The following CTNNA1 variants were observed in gnomAD, a reference collection of about 807,000 sequenced individuals.
The protein encoded by CTNNA1 is catenin alpha 1, also known as catenin alpha-1.
A neutral mutation model predicts 98.4 loss-of-function variants in CTNNA1; 37 were observed. The ratio of observed to expected loss-of-function variants is 0.38; its 90% CI spans 0.29 to 0.49. The LOEUF (loss-of-function observed/expected upper bound fraction) is 0.49, where lower values mean the gene tolerates loss of function less well. Among genes scored for constraint, CTNNA1 ranks in the 20% least tolerant of loss-of-function variants. The pLI, the probability that CTNNA1 is intolerant of heterozygous loss-of-function variation, is 0.95. For missense variants in CTNNA1, 761 were observed against 1,147.2 expected, an observed-to-expected ratio of 0.66 and a Z score of 4.86; for synonymous variants, 404 against 413.2, an observed-to-expected ratio of 0.98 and a Z score of 0.27.
intron 9 of CTNNA1, among the ~76,000 whole-genome samples, chr5:138,898,909 C>T (rs1477014035): frequency 6.6e-6 from 1 of 152,180 alleles, no homozygotes; most frequent in Non-Finnish European, 1.5e-5. Context: ...AGAATTTCCT[C>T]ATTTTGACTT....
At chr5:138,923,938 T>A (rs139373138) in intron 11 of CTNNA1, among the ~76,000 whole-genome samples, 1 of 152,346 alleles carries the variant, frequency 6.6e-6, no homozygotes, top group African/African-American at 2.4e-5. Flanking sequence ...TAAGCCCATC[T>A]GTGTACCATG....
At chr5:138,843,281 C>A (rs1455535036) in intron 7 of CTNNA1, among the ~76,000 whole-genome samples, 1 of 151,976 alleles carries the variant, frequency 6.6e-6, no homozygotes, top group Non-Finnish European at 1.5e-5. Flanking sequence ...ATTTAGTATT[C>A]TCAATCCTTT....
chr5:138,932,895 A>T (rs755486464), intron 17 of CTNNA1, 183 bp downstream of exon 17: 1 of 839,946 alleles, frequency 1.2e-6, no homozygotes, highest in Admixed American at 1.7e-5. Context: ...TAGAACTGTG[A>T]CACCTGCGGG....
At position 138,858,599 on chromosome 5, in the gene CTNNA1, T is replaced by TCTTTC. The variant is rs57689177; in HGVS notation, c.1063-27613_1063-27612insCTTTC. 5.2e-4 allele frequency among the ~76,000 whole-genome samples: 71 copies of TCTTTC among 136,398 alleles called. No individual in the cohort carries two copies. The East Asian group carries it at 0.011, about 21-fold the overall frequency. 89.5% of individuals were successfully genotyped at this position (136,398 alleles called of 152,430 possible). A position where few individuals can be genotyped will look rare whatever the true frequency, so the allele number is the denominator to read the frequency against. On this transcript the variant is annotated intron_variant, in intron 7 of 17. Transcript: ENST00000302763. ...TTTTTTTTCTTTTTCTTTTTCTTTT[T>TCTTTC]TTTTTTTTTTTTTTGAGACAGAGTC... is the stretch of plus-strand genomic sequence containing the variant.
intron 7 of CTNNA1, among the ~76,000 whole-genome samples, chr5:138,862,234 C>T (rs1764348221): frequency 6.6e-6 from 1 of 152,204 alleles, no homozygotes; most frequent in Non-Finnish European, 1.5e-5. Flanking sequence ...TTTTTAAATT[C>T]TCATACCTCT....
At chr5:138,767,122 C>T (rs984394006) in intron 1 of CTNNA1, among the ~76,000 whole-genome samples, 1 of 152,078 alleles carries the variant, frequency 6.6e-6, no homozygotes, top group African/African-American at 2.4e-5. Flanking sequence ...CTGCAAGCTC[C>T]TCCTCCCGGG....
Position 138,874,609 on chromosome 5 carries a change from C to T in CTNNA1, c.1063-11603C>T. The T allele has an allele frequency of 8.9e-7, 1 of 1,126,834 alleles. No homozygotes were observed. 69.8% of individuals were successfully genotyped at this position (1,126,834 alleles called of 1,614,324 possible). ...GAAGATAGGATATTTTTCAGCAGAA[C>T]ATATGGGCTATTTAAAAAAAACAAC... On this transcript the variant is annotated intron_variant, in intron 7 of 17. Transcript: ENST00000302763. The surrounding 1 kb of genome is among the most constrained non-coding windows in gnomAD (Gnocchi z 4.1).
intron 10 of CTNNA1, among the ~76,000 whole-genome samples, chr5:138,913,409 C>T (rs1003013047): frequency 1.3e-5 from 2 of 151,994 alleles, no homozygotes; most frequent in African/African-American, 4.8e-5. Flanking sequence ...TATGGTGAAA[C>T]CTCATCTCTA....
chr5:138,809,040 A>G (rs1380549711), intron 3 of CTNNA1, among the ~76,000 whole-genome samples: 2 of 152,196 alleles, frequency 1.3e-5, no homozygotes, highest in Admixed American at 6.5e-5. Context: ...GCTAGAGTGC[A>G]GTGGTGCAAT....
At chr5:138,826,772 T>G (rs1002509273) in intron 6 of CTNNA1, among the ~76,000 whole-genome samples, 8 of 152,182 alleles carry the variant, frequency 5.3e-5, no homozygotes. Context: ...ACTTTAAGGT[T>G]AGAGATCAGT....
chr5:138,850,703 G>A (rs1358883494), intron 7 of CTNNA1, among the ~76,000 whole-genome samples: 1 of 152,032 alleles, frequency 6.6e-6, no homozygotes, highest in Non-Finnish European at 1.5e-5. Context: ...TGTATCCAAC[G>A]ACTCCTGTGG....
At chr5:138,785,788 T>G (rs1043206336) in intron 3 of CTNNA1, among the ~76,000 whole-genome samples, 1 of 152,102 alleles carries the variant, frequency 6.6e-6, no homozygotes, top group Non-Finnish European at 1.5e-5. Flanking sequence ...TATAGTATAG[T>G]ATTGCCTTGT....
Position 138,819,045 on chromosome 5 carries a change from G to C in CTNNA1, c.589-5485G>C, listed in dbSNP as rs113751566. ...GTTGAGGTTATGATTCTTTCCTTAGGGGGCAGGGCACAGCATTGGCGTGAT... is the reference window on the plus strand; with the variant it reads ...GTTGAGGTTATGATTCTTTCCTTAGCGGGCAGGGCACAGCATTGGCGTGAT... On this transcript the variant is annotated intron_variant, in intron 5 of 17. Transcript: ENST00000302763. Among the ~76,000 whole-genome samples, 120 of 143,006 alleles carry C rather than the reference G, an allele frequency of 8.4e-4. 1 individual carries two copies. Among genetic ancestry groups the C allele is most frequent in the African/African-American group, 2.9e-3 (114 of 38,736 alleles). 93.8% of individuals were successfully genotyped at this position (143,006 alleles called of 152,430 possible).
At chr5:138,863,488 C>T (rs2149890300) in intron 7 of CTNNA1, among the ~76,000 whole-genome samples, 1 of 152,302 alleles carries the variant, frequency 6.6e-6, no homozygotes, top group East Asian at 1.9e-4. Context: ...TCAAGCAGTC[C>T]TCCTGCCCCA....
chr5:138,824,380 C>T, intron 5 of CTNNA1, 150 bp from the exon 6 acceptor site: 2 of 887,820 alleles, frequency 2.3e-6, no homozygotes, highest in Admixed American at 2.8e-5. Context: ...ATACTGCCTT[C>T]TTTGTGATTG....
intron 11 of CTNNA1, among the ~76,000 whole-genome samples, chr5:138,920,413 G>T (rs1161267728): frequency 1.3e-5 from 2 of 152,178 alleles, no homozygotes; most frequent in African/African-American, 2.4e-5. Context: ...CCCTGACGTG[G>T]CCCTGCCACA....
At chr5:138,788,060 G>A (rs899909643) in intron 3 of CTNNA1, among the ~76,000 whole-genome samples, 1 of 152,132 alleles carries the variant, frequency 6.6e-6, no homozygotes, top group African/African-American at 2.4e-5. Context: ...ATGCCTCTTA[G>A]ATGTGCTCTT....
chr5:138,768,284 G>A (rs955628982), intron 1 of CTNNA1, among the ~76,000 whole-genome samples: 7 of 152,060 alleles, frequency 4.6e-5, no homozygotes, highest in Admixed American at 6.6e-5. Flanking sequence ...TTTTGAGATC[G>A]AGTCTCGCTC....
chr5:138,790,852 AC>A, intron 3 of CTNNA1: 1 of 152,262 alleles, frequency 6.6e-6, no homozygotes, highest in Admixed American at 6.5e-5. Context: ...ATTTGGTTTG[AC>A]CTTCATTTTG....
Sources: gnomAD v4.1 joint callset for allele counts (sites outside exome capture counted in the v4.1 genomes callset) on GRCh38, gnomAD v4.1.1 for gene constraint, Gnocchi (gnomAD v3.1) non-coding constraint, MANE v1.5 for transcripts, NCBI Gene and HGNC (gene_info 2026-07-23, HGNC 2026-07-21) for gene names.